The following PUDP variants were observed in gnomAD, a reference collection of about 807,000 sequenced individuals.
PUDP encodes pseudouridine-5'-phosphatase.
PUDP carries 8 observed loss-of-function variants against 9.4 expected under a neutral mutation model. The observed-to-expected ratio is 0.85, with a 90% CI of 0.50 to 1.53. The LOEUF is 1.53. Ranked by LOEUF, PUDP falls within the 40% of genes most tolerant of loss-of-function variation. The probability of loss-of-function intolerance (pLI) is 0.00; values close to 1 mark genes in which losing one functional copy is unlikely to be tolerated. For missense variants in PUDP, 188 were observed against 189.7 expected, an observed-to-expected ratio of 0.99 and a Z score of 0.05; for synonymous variants, 99 against 80.7, an observed-to-expected ratio of 1.23 and a Z score of -1.22.
At chrX:7,073,551 C>T (rs1292249610) in intron 3 of PUDP, among the ~76,000 whole-genome samples, 2 of 112,779 alleles carry the variant, frequency 1.8e-5, no homozygotes, top group Non-Finnish European at 3.7e-5. Context: ...ACACTGCGGG[C>T]AAGAAGCAGC....
At chrX:7,077,110 G>A in intron 3 of PUDP, 110 bp downstream of exon 3, 13 of 1,094,359 alleles carry the variant, frequency 1.2e-5, no homozygotes, top group Non-Finnish European at 1.6e-5. Flanking sequence ...ATTGCAAAGT[G>A]GCCTTCAACA....
chrX:6,811,323 A>G (rs1293498009), intron 3 of PUDP, among the ~76,000 whole-genome samples: 1 of 110,137 alleles, frequency 9.1e-6, no homozygotes, highest in Non-Finnish European at 1.9e-5. Flanking sequence ...TTTATTATTA[A>G]TATTATTTTG....
chrX:6,764,889 T>C (rs1397436377), intron 3 of PUDP, among the ~76,000 whole-genome samples: 1 of 111,476 alleles, frequency 9.0e-6, no homozygotes, highest in Non-Finnish European at 1.9e-5. Flanking sequence ...AAAATAAATA[T>C]AAGAAAGCAA....
chrX:7,051,053 C>A (rs1460716040), intron 3 of PUDP, among the ~76,000 whole-genome samples: 1 of 111,598 alleles, frequency 9.0e-6, no homozygotes, highest in Admixed American at 9.5e-5. Context: ...ATTACAGACA[C>A]AACACCATCC....
chrX:6,863,268 C>A (rs1054039957), intron 3 of PUDP, among the ~76,000 whole-genome samples: 9 of 112,609 alleles, frequency 8.0e-5, no homozygotes, highest in Admixed American at 1.9e-4. Context: ...CATTCTCTTT[C>A]TTCTACTAAA....
intron 3 of PUDP, among the ~76,000 whole-genome samples, chrX:6,951,263 AT>A (rs1349040349): frequency 9.2e-6 from 1 of 108,779 alleles, no homozygotes; most frequent in Admixed American, 9.8e-5. Flanking sequence ...CTATCTATCT[AT>A]CTATCTATCT....
At chrX:6,981,976 GACACACACAC>G (rs749042919) in intron 1 of PUDP, among the ~76,000 whole-genome samples, 1 of 98,536 alleles carries the variant, frequency 1.0e-5, no homozygotes, top group African/African-American at 3.7e-5. Flanking sequence ...AGGACTTACA[GACACACACAC>G]ACACACACAC....
chrX:6,956,451 G>T (rs144906679), intron 3 of PUDP, among the ~76,000 whole-genome samples: 1,946 of 110,636 alleles, frequency 0.018, 43 homozygotes, highest in African/African-American at 0.061. Context: ...AGAAATGCAT[G>T]CAGTACATAA....
intron 1 of PUDP, among the ~76,000 whole-genome samples, chrX:7,027,813 T>C (rs1336920148): frequency 5.5e-3 from 1 of 181 alleles, no homozygotes; most frequent in Non-Finnish European, 0.011. Flanking sequence ...ATTTTCTATA[T>C]ATAGACTATA....
At chrX:6,763,952 G>T (rs972719913) in intron 3 of PUDP, among the ~76,000 whole-genome samples, 1 of 111,906 alleles carries the variant, frequency 8.9e-6, no homozygotes, top group East Asian at 2.8e-4. Context: ...AAAAATTATT[G>T]GCTGGTGTCT....
At chrX:7,043,117 A>G (rs891633777) in intron 1 of PUDP, among the ~76,000 whole-genome samples, 4 of 111,991 alleles carry the variant, frequency 3.6e-5, no homozygotes, top group Non-Finnish European at 7.5e-5. Context: ...TATTCCTTCA[A>G]GAAGTCCTGG....
At chrX:7,133,270 G>A (rs1932664983) in intron 1 of PUDP, among the ~76,000 whole-genome samples, 1 of 111,678 alleles carries the variant, frequency 9.0e-6, no homozygotes, top group African/African-American at 3.3e-5. Flanking sequence ...AAGAGGTGAG[G>A]CCCAGCCAGG....
intron 3 of PUDP, among the ~76,000 whole-genome samples, chrX:6,857,863 T>C (rs779082378): frequency 8.9e-6 from 1 of 112,356 alleles, no homozygotes; most frequent in South Asian, 3.7e-4. Flanking sequence ...TATTAACTCA[T>C]GTGAGACAGT....
intron 3 of PUDP, among the ~76,000 whole-genome samples, chrX:6,820,117 G>A (rs764521695): frequency 8.2e-5 from 9 of 109,170 alleles, no homozygotes; most frequent in South Asian, 4.1e-4. Flanking sequence ...GCATGGTGGC[G>A]GCAAGAGAAA....
chrX:6,886,287 C>T (rs1367560572), intron 3 of PUDP, among the ~76,000 whole-genome samples: 1 of 112,082 alleles, frequency 8.9e-6, no homozygotes, highest in Non-Finnish European at 1.9e-5. Context: ...CAAAATTTTT[C>T]ACAAGGCTGA....
At chrX:7,099,896 C>T in intron 2 of PUDP, among the ~76,000 whole-genome samples, 1 of 111,750 alleles carries the variant, frequency 8.9e-6, no homozygotes, top group Non-Finnish European at 1.9e-5. Context: ...CCAAGGCAGA[C>T]ACACCCTGCA....
chrX:6,958,799 G>T (rs935960653), intron 3 of PUDP, among the ~76,000 whole-genome samples: 2 of 108,367 alleles, frequency 1.8e-5, no homozygotes, highest in African/African-American at 6.7e-5. Flanking sequence ...GTCTCAGATG[G>T]AAATGAGGAA....
chrX:6,925,595 G>A (rs993829544), intron 3 of PUDP, among the ~76,000 whole-genome samples: 4 of 111,952 alleles, frequency 3.6e-5, no homozygotes, highest in African/African-American at 6.5e-5. Context: ...ACAAACCCAC[G>A]AAGCCTTCAG....
At chrX:7,051,427 T>C (rs773186776) in intron 3 of PUDP, among the ~76,000 whole-genome samples, 3 of 111,647 alleles carry the variant, frequency 2.7e-5, no homozygotes, top group Middle Eastern at 4.6e-3. Context: ...CTGGGTACAG[T>C]GCACACTGTT....
Sources: gnomAD v4.1 joint callset for allele counts (sites outside exome capture counted in the v4.1 genomes callset) on GRCh38, gnomAD v4.1.1 for gene constraint, MANE v1.5 for transcripts, NCBI Gene and HGNC (gene_info 2026-07-23, HGNC 2026-07-21) for gene names.